The following LRP1B variants were observed in gnomAD, a reference collection of about 807,000 sequenced individuals.
The protein encoded by LRP1B is low-density lipoprotein receptor-related protein 1B.
In LRP1B, 217 loss-of-function variants were observed where a neutral mutation model predicts 556.6. The observed-to-expected ratio is 0.39, with a 90% CI of 0.35 to 0.44. The LOEUF is 0.44. Ranked by LOEUF, LRP1B falls within the 20% of genes least tolerant of loss-of-function variation. LRP1B has a pLI of 1.00. For synonymous variants in LRP1B, 2,047 were observed against 1,865.8 expected, an observed-to-expected ratio of 1.10 and a Z score of -2.50; for missense variants, 5,053 against 5,620.8, an observed-to-expected ratio of 0.90 and a Z score of 3.23.
intron 60 of LRP1B, among the ~76,000 whole-genome samples, chr2:140,468,474 A>G (rs1687637188): frequency 6.6e-6 from 1 of 152,162 alleles, no homozygotes; most frequent in Non-Finnish European, 1.5e-5. Flanking sequence ...TGTCCCTTAT[A>G]GGGCAATGCC....
chr2:141,812,035 G>A (rs895931955), intron 1 of LRP1B, among the ~76,000 whole-genome samples: 10 of 152,090 alleles, frequency 6.6e-5, no homozygotes, highest in African/African-American at 2.2e-4. Flanking sequence ...AATTATTGCA[G>A]TGCATTTGAG....
chr2:140,528,582 A>G (rs1690542604), intron 47 of LRP1B, among the ~76,000 whole-genome samples: 1 of 151,836 alleles, frequency 6.6e-6, no homozygotes, highest in South Asian at 2.1e-4. Context: ...AAGAGGTGCA[A>G]GTAGGAACAG....
At chr2:141,958,313 C>T (rs909087956) in intron 1 of LRP1B, among the ~76,000 whole-genome samples, 17 of 151,914 alleles carry the variant, frequency 1.1e-4, no homozygotes, top group Non-Finnish European at 2.1e-4. Flanking sequence ...TCTCTGTGAC[C>T]TGGATTTAAA....
intron 2 of LRP1B, among the ~76,000 whole-genome samples, chr2:141,686,841 G>A (rs1209721029): frequency 6.6e-6 from 1 of 151,836 alleles, no homozygotes; most frequent in Non-Finnish European, 1.5e-5. Context: ...TTTATAGGAA[G>A]AGGAAGACAG....
chr2:141,888,740 C>A (rs1699197926), intron 1 of LRP1B, among the ~76,000 whole-genome samples: 1 of 152,058 alleles, frequency 6.6e-6, no homozygotes, highest in African/African-American at 2.4e-5. Context: ...AGTTTGCTGA[C>A]CTGACGGAAT....
At chr2:141,832,327 TCACA>T (rs869062999) in intron 1 of LRP1B, among the ~76,000 whole-genome samples, 36,517 of 143,612 alleles carry the variant, frequency 0.25, 4,762 homozygotes, top group Admixed American at 0.28. Context: ...TCTTTCTCTC[TCACA>T]CACACACACA....
At chr2:142,086,666 G>A (rs1402530045) in intron 1 of LRP1B, among the ~76,000 whole-genome samples, 1 of 151,730 alleles carries the variant, frequency 6.6e-6, no homozygotes, top group Non-Finnish European at 1.5e-5. Flanking sequence ...CTTGTCTCCA[G>A]CAGCTTTGCT....
chr2:141,304,411 C>T (rs184264700), intron 3 of LRP1B, among the ~76,000 whole-genome samples: 47 of 149,836 alleles, frequency 3.1e-4, no homozygotes, highest in Non-Finnish European at 5.8e-4. Context: ...TTTATAGTTT[C>T]ATGTCTCTAA....
chr2:140,667,314 C>T (rs1323776506), intron 41 of LRP1B, among the ~76,000 whole-genome samples: 1 of 152,166 alleles, frequency 6.6e-6, no homozygotes, highest in African/African-American at 2.4e-5. Flanking sequence ...TGCCTTGATA[C>T]CACCCGGAGA....
intron 1 of LRP1B, among the ~76,000 whole-genome samples, chr2:141,821,509 C>T (rs1441258588): frequency 6.6e-6 from 1 of 152,112 alleles, no homozygotes. Flanking sequence ...TGACTAGAAG[C>T]ACATGACAGA....
At position 140,335,649 on chromosome 2, in the gene LRP1B, C is replaced by T. The variant is rs1681049218; in HGVS notation, c.12082G>A (p.Glu4028Lys). ...GGATTTACTGCAATAGCATAGGGTT[C>T]TCCAGCCATATTTGTTAAGAGTCTG... ...CTRLLTNMAGEPYAIAVNPKR... is the reference protein window; with the variant it reads ...CTRLLTNMAGKPYAIAVNPKR... The change falls in exon 78 of 91, where the codon GAA becomes AAA. Residue 4028 changes from glutamate to lysine, a missense_variant. By Grantham distance (56) the Glu-to-Lys change is moderately conservative. Around this residue, in one of 5 missense-constraint regions of LRP1B, gnomAD observed 599 missense variants for 648.4 expected, o/e 0.92. Coordinates refer to ENST00000389484, the MANE Select transcript of LRP1B (RefSeq NM_018557.3). 1.9e-6 allele frequency: 3 copies of T among 1,612,194 alleles called. No individual in the cohort carries two copies. Among genetic ancestry groups the T allele is most frequent in the Non-Finnish European group, 2.5e-6 (3 of 1,178,624 alleles).
intron 2 of LRP1B, among the ~76,000 whole-genome samples, chr2:141,732,271 G>C (rs569874687): frequency 4.6e-5 from 7 of 152,192 alleles, no homozygotes; most frequent in African/African-American, 1.7e-4. Context: ...ATCTGTAACT[G>C]TTCCCTCTGG....
At chr2:141,364,270 A>AACACAC (rs35479321) in intron 3 of LRP1B, among the ~76,000 whole-genome samples, 4,585 of 148,706 alleles carry the variant, frequency 0.031, 128 homozygotes, top group African/African-American at 0.066. Context: ...TGGAGGAAAT[A>AACACAC]ACACACACAC....
intron 23 of LRP1B, among the ~76,000 whole-genome samples, chr2:140,896,844 A>G (rs1693969842): frequency 6.6e-6 from 1 of 152,084 alleles, no homozygotes; most frequent in Non-Finnish European, 1.5e-5. Flanking sequence ...CAGGTATTGC[A>G]TTCAATAGAA....
chr2:140,593,131 A>T (rs962970394), intron 43 of LRP1B, among the ~76,000 whole-genome samples: 1 of 152,196 alleles, frequency 6.6e-6, no homozygotes, highest in Non-Finnish European at 1.5e-5. Context: ...TTAGGGGTCA[A>T]GTTAGTCATA....
chr2:142,022,080 T>A (rs1703346029), intron 1 of LRP1B, among the ~76,000 whole-genome samples: 1 of 152,126 alleles, frequency 6.6e-6, no homozygotes, highest in African/African-American at 2.4e-5. Flanking sequence ...GTATGACTTG[T>A]GAATGTCAGA....
chr2:140,845,475 T>C (rs1692248028), intron 29 of LRP1B, among the ~76,000 whole-genome samples: 1 of 152,064 alleles, frequency 6.6e-6, no homozygotes, highest in Non-Finnish European at 1.5e-5. Flanking sequence ...ACACTTCCCA[T>C]TAAGTTCATC....
chr2:141,337,921 T>C (rs192925512), intron 3 of LRP1B, among the ~76,000 whole-genome samples: 1 of 152,318 alleles, frequency 6.6e-6, no homozygotes, highest in East Asian at 1.9e-4. Context: ...GTATGCTAAA[T>C]CATCTTGAAT....
intron 82 of LRP1B, among the ~76,000 whole-genome samples, chr2:140,317,297 G>A (rs1314242212): frequency 2.6e-5 from 4 of 152,044 alleles, no homozygotes; most frequent in Non-Finnish European, 4.4e-5. Context: ...TCAGAACTTC[G>A]TATACATTAT....
Sources: allele counts gnomAD v4.1 joint callset (sites outside exome capture counted in the v4.1 genomes callset), GRCh38; gene constraint gnomAD v4.1.1; regional missense constraint gnomAD v4.1.1; transcripts MANE v1.5; gene names NCBI Gene and HGNC (gene_info 2026-07-23, HGNC 2026-07-21).